The following ERBB4 variants were observed in gnomAD, a reference collection of about 807,000 sequenced individuals.
ERBB4 encodes the protein erb-b2 receptor tyrosine kinase 4.
A neutral mutation model predicts 158.0 loss-of-function variants in ERBB4; 42 were observed. The ratio of observed to expected loss-of-function variants is 0.27; its 90% confidence interval spans 0.21 to 0.34. ERBB4 has a LOEUF of 0.34. Ranked by LOEUF, ERBB4 falls within the 10% of genes least tolerant of loss-of-function variation. The pLI is 1.00. For missense variants in ERBB4, 1,333 were observed against 1,624.1 expected (o/e 0.82, Z 3.08); for synonymous variants, 583 against 558.7 (o/e 1.04, Z -0.61).
chr2:211,432,983 A>G (rs548204097), intron 20 of ERBB4, among the ~76,000 whole-genome samples: 2 of 152,314 alleles, frequency 1.3e-5, no homozygotes, highest in South Asian at 2.1e-4. Context: ...GCGTGAGAGG[A>G]GAGACTTCAA....
intron 2 of ERBB4, among the ~76,000 whole-genome samples, chr2:212,123,275 C>T (rs1318802730): frequency 2.0e-5 from 3 of 152,124 alleles, no homozygotes; most frequent in Admixed American, 1.3e-4. Flanking sequence ...TGGCGGCATG[C>T]GCCTGTAATC....
intron 1 of ERBB4, among the ~76,000 whole-genome samples, chr2:212,345,358 A>T (rs1218664629): frequency 1.3e-5 from 2 of 151,526 alleles, no homozygotes; most frequent in Non-Finnish European, 2.9e-5. Context: ...ACAGAGTTTT[A>T]TACTTTATTC....
chr2:212,522,102 A>G (rs1449161074), intron 1 of ERBB4, among the ~76,000 whole-genome samples: 1 of 152,004 alleles, frequency 6.6e-6, no homozygotes, highest in Non-Finnish European at 1.5e-5. Flanking sequence ...ATTTATCGCC[A>G]TATATAAAAT....
At chr2:212,233,942 TG>T (rs1406648834) in intron 1 of ERBB4, among the ~76,000 whole-genome samples, 6 of 149,170 alleles carry the variant, frequency 4.0e-5, no homozygotes, top group Non-Finnish European at 8.9e-5. Flanking sequence ...TAGATGTTTT[TG>T]TATATGTCTC....
chr2:212,202,086 G>C (rs910200200), intron 1 of ERBB4, among the ~76,000 whole-genome samples: 14 of 152,078 alleles, frequency 9.2e-5, no homozygotes, highest in African/African-American at 3.4e-4. Context: ...TACAAAGCTA[G>C]GTTTGTAGTA....
chr2:211,833,114 C>T (rs1002709897), intron 3 of ERBB4, among the ~76,000 whole-genome samples: 1 of 151,940 alleles, frequency 6.6e-6, no homozygotes, highest in Non-Finnish European at 1.5e-5. Context: ...ACAGCAGATA[C>T]CCAGCATATT....
intron 2 of ERBB4, among the ~76,000 whole-genome samples, chr2:212,063,216 A>AC (rs1476639225): frequency 6.6e-6 from 1 of 152,184 alleles, no homozygotes; most frequent in Non-Finnish European, 1.5e-5. Flanking sequence ...AAATGATCTA[A>AC]CAATAATGTG....
At chr2:211,462,296 C>G (rs7566089) in intron 20 of ERBB4, among the ~76,000 whole-genome samples, 1 of 152,002 alleles carries the variant, frequency 6.6e-6, no homozygotes, top group Non-Finnish European at 1.5e-5. Flanking sequence ...CCCCCATGAT[C>G]CAATCACTTC....
At chr2:212,198,281 T>C (rs2082490082) in intron 1 of ERBB4, among the ~76,000 whole-genome samples, 1 of 152,162 alleles carries the variant, frequency 6.6e-6, no homozygotes, top group Non-Finnish European at 1.5e-5. Flanking sequence ...TACATTCAAG[T>C]TATTGCACAA....
At position 212,101,908 on chromosome 2, in the gene ERBB4, G is replaced by C. The variant is rs1190536554; in HGVS notation, c.234+22844C>G. ...GTCCCTGCTAGTACGTTTTGCTTGG[G>C]GGGGTACATTTACCTCCTTTCGGTC... On this transcript the variant is annotated intron_variant, in intron 2 of 27. Coordinates refer to ENST00000342788, the MANE Select transcript of ERBB4 (RefSeq NM_005235.3). Among the ~76,000 whole-genome samples the C allele has an allele frequency of 2.6e-5, 4 of 151,442 alleles. No individual in the cohort carries two copies. The East Asian group carries it at 5.8e-4, about 22-fold the overall frequency.
At chr2:211,450,403 G>A (rs573962100) in intron 20 of ERBB4, among the ~76,000 whole-genome samples, 3 of 152,280 alleles carry the variant, frequency 2.0e-5, no homozygotes, top group South Asian at 4.1e-4. Context: ...ATTGGCTACA[G>A]TGTGAATGAT....
intron 20 of ERBB4, among the ~76,000 whole-genome samples, chr2:211,541,198 C>T (rs2066799795): frequency 6.6e-6 from 1 of 151,932 alleles, no homozygotes. Context: ...GGGATTTATG[C>T]TATTTCCTCA....
chr2:211,491,374 G>A lies in ERBB4; in HGVS notation c.2488-60274C>T, dbSNP rs1052397363. Among the ~76,000 whole-genome samples, 5 of 152,112 alleles carry A rather than the reference G, an allele frequency of 3.3e-5. No homozygotes were observed. The South Asian group carries it at 1.0e-3, about 32-fold the overall frequency. On this transcript the variant is annotated intron_variant, in intron 20 of 27. Coordinates refer to ENST00000342788, the MANE Select transcript of ERBB4 (RefSeq NM_005235.3). ...TCAATATCTCCTGCCTCAAGTTGAG[G>A]ATTCTTTAATTGGACATGACAATTC...
In ERBB4 at chr2:211,657,546, G is replaced by A; in HGVS notation, c.1946+208C>T. 5.2e-6 allele frequency: 3 copies of A among 577,550 alleles called. No homozygotes were observed. In the South Asian group the frequency reaches 5.9e-5, roughly 11 times the overall value. The allele number at this position is 577,550 out of a possible 1,614,324, so 35.8% of individuals were successfully genotyped here. On this transcript the variant is annotated intron_variant, in intron 16 of 27. Coordinates refer to ENST00000342788, the MANE Select transcript of ERBB4 (RefSeq NM_005235.3). ...AAAGAAATCGATGGTGTTACTAACT[G>A]GGACTCTTGTATCACAATGAATGAA...
At chr2:212,205,502 C>T (rs1559741327) in intron 1 of ERBB4, among the ~76,000 whole-genome samples, 1 of 152,108 alleles carries the variant, frequency 6.6e-6, no homozygotes. Context: ...ATTATAGAAA[C>T]CATTTTAAAG....
At chr2:212,102,090 T>TATATATA (rs1553558603) in intron 2 of ERBB4, among the ~76,000 whole-genome samples, 2,950 of 107,942 alleles carry the variant, frequency 0.027, 143 homozygotes, top group African/African-American at 0.069. Context: ...AAAATTTATT[T>TATATATA]TATATATATA....
At chr2:211,528,741 T>A (rs1182751113) in intron 20 of ERBB4, among the ~76,000 whole-genome samples, 2 of 151,954 alleles carry the variant, frequency 1.3e-5, no homozygotes, top group Admixed American at 1.3e-4. Context: ...AATTAACCAA[T>A]ATGCTACTGA....
At chr2:211,514,123 A>C (rs59446695) in intron 20 of ERBB4, among the ~76,000 whole-genome samples, 27,525 of 148,764 alleles carry the variant, frequency 0.19, 3,263 homozygotes, top group African/African-American at 0.36. Context: ...CTCTCTTCAT[A>C]CCCCCTTACC....
chr2:211,883,773 T>C (rs562860950), intron 3 of ERBB4, among the ~76,000 whole-genome samples: 52 of 152,228 alleles, frequency 3.4e-4, no homozygotes, highest in Admixed American at 1.2e-3. Flanking sequence ...GCCTGGGCGA[T>C]AGAGCAAGAC....
Sources: gnomAD v4.1 joint callset for allele counts (sites outside exome capture counted in the v4.1 genomes callset) on GRCh38, gnomAD v4.1.1 for gene constraint, MANE v1.5 for transcripts, NCBI Gene and HGNC (gene_info 2026-07-23, HGNC 2026-07-21) for gene names.